The following THBS2 variants were observed in gnomAD, a reference collection of about 807,000 sequenced individuals.
THBS2 encodes the protein thrombospondin 2, also known as thrombospondin-2.
THBS2 carries 47 observed loss-of-function variants against 135.2 expected under a neutral mutation model. That is an observed-to-expected ratio of 0.35 (90% confidence interval 0.28 to 0.44). The LOEUF (loss-of-function observed/expected upper bound fraction) is 0.44. Ranked by LOEUF, THBS2 falls within the 20% of genes least tolerant of loss-of-function variation. THBS2 has a pLI of 1.00. For synonymous variants in THBS2, 639 were observed against 633.8 expected, an observed-to-expected ratio of 1.01 and a Z score of -0.12; for missense variants, 1,288 against 1,603.1, an observed-to-expected ratio of 0.80 and a Z score of 3.36.
At chr6:169,221,621 G>T in intron 19 of THBS2, 94 bp from the exon 20 acceptor site, 2 of 1,033,264 alleles carry the variant, frequency 1.9e-6, no homozygotes, top group Non-Finnish European at 3.0e-6. Context: ...ACATGACTTT[G>T]CAAGTTCATG....
In THBS2 at chr6:169,240,501, G is replaced by T. The variant is rs748832623; in HGVS notation, c.983C>A (p.Ala328Glu). ...GTCCACCACCCACGTTTCATTTTCC[G>T]CAAAGAACCGGCCATCCTGCCAGCA... ...SACWQDGRFF[A>E]ENETWVVDSC... Residue 328 changes from alanine to glutamate, a missense_variant, in exon 6 of 22, where the codon GCG becomes GAG. Around this residue, in one of 2 missense-constraint regions of THBS2, gnomAD observed 414 missense variants for 447.0 expected, o/e 0.93. Transcript: ENST00000617924. 6.2e-7 allele frequency: 1 copy of T among 1,613,930 alleles called. No homozygotes were observed. Among genetic ancestry groups the T allele is most frequent in the Non-Finnish European group, 8.5e-7 (1 of 1,180,016 alleles).
Position 169,228,170 on chromosome 6 carries a change from C to G in THBS2, c.2371G>C (p.Asp791His). Residue 791 changes from aspartate to histidine, a missense_variant, in exon 15 of 22, where the codon GAC becomes CAC. Transcript: ENST00000617924. ...YVHNPAQIDT[D>H]NNGEGDACSV... ...CAGGCGTCACCCTCTCCATTGTTGT[C>G]TGTGTCGATCTGGGCAGGGTTGTGC... 1.9e-6 allele frequency: 3 copies of G among 1,614,000 alleles called. No homozygotes were observed. The highest frequency in any genetic ancestry group is 2.5e-6 in the Non-Finnish European group (3 of 1,180,034).
chr6:169,240,996 G>C (rs1442509687), intron 5 of THBS2, among the ~76,000 whole-genome samples: 3 of 149,346 alleles, frequency 2.0e-5, no homozygotes, highest in African/African-American at 2.5e-5. Flanking sequence ...CACCCTCCCT[G>C]CCCCGGTCTC....
rs1262569667 is a variant in THBS2 at position 169,222,324 on chromosome 6, T to A, written c.3146A>T (p.Tyr1049Phe). ...VVMWKQVTQT[Y>F]WEDQPTRAYG... Reference sequence around the variant, plus strand: ...GGCCCGCGTGGGCTGGTCCTCCCAGTAGGTCTGCGTCACCTGCTTCCACAT... The same window carrying A: ...GGCCCGCGTGGGCTGGTCCTCCCAGAAGGTCTGCGTCACCTGCTTCCACAT... The change falls in exon 19 of 22, where the codon TAC becomes TTC. Residue 1049 changes from tyrosine to phenylalanine, a missense_variant. By Grantham distance (22) the Tyr-to-Phe change is conservative. Coordinates refer to ENST00000617924, the MANE Select transcript of THBS2 (RefSeq NM_003247.5). 6.2e-7 allele frequency: 1 copy of A among 1,613,448 alleles called. No individual in the cohort carries two copies. Among genetic ancestry groups the A allele is most frequent in the East Asian group, 2.2e-5 (1 of 44,894 alleles).
intron 21 of THBS2, among the ~76,000 whole-genome samples, chr6:169,219,411 G>A (rs73238287): frequency 0.018 from 2,775 of 151,600 alleles, 76 homozygotes; most frequent in African/African-American, 0.062. Context: ...GTGGATGGAT[G>A]AGATATATGG....
chr6:169,220,128 G>C (rs755893136), intron 21 of THBS2, 70 bp downstream of exon 21: 1 of 1,549,364 alleles, frequency 6.5e-7, no homozygotes, highest in African/African-American at 1.4e-5. Context: ...GTGGAAGAGC[G>C]CACTGTGTAC....
intron 7 of THBS2, 34 bp from the exon 8 acceptor site, chr6:169,237,829 C>G: frequency 1.9e-6 from 3 of 1,594,980 alleles, no homozygotes; most frequent in Non-Finnish European, 2.6e-6. Flanking sequence ...GGCATCAGGC[C>G]CTGCCTCACA....
At chr6:169,228,423 C>CGGTG (rs1562356570) in intron 14 of THBS2, 142 bp from the exon 15 acceptor site, 1 of 1,031,208 alleles carries the variant, frequency 9.7e-7, no homozygotes, top group African/African-American at 1.6e-5. Context: ...TAGGGCTGGA[C>CGGTG]GGTGGCTCAC....
intron 1 of THBS2, among the ~76,000 whole-genome samples, chr6:169,251,828 G>C (rs1213190966): frequency 8.2e-5 from 8 of 97,698 alleles, no homozygotes; most frequent in Admixed American, 1.1e-4. Flanking sequence ...TCTGCTGCTG[G>C]GACCCCCCCC....
chr6:169,232,314 T>A, intron 12 of THBS2, 116 bp from the exon 13 acceptor site: 1 of 1,187,236 alleles, frequency 8.4e-7, no homozygotes, highest in Non-Finnish European at 1.2e-6. Flanking sequence ...CGGACCCAAG[T>A]CCTGAAGTGG....
intron 13 of THBS2, among the ~76,000 whole-genome samples, chr6:169,230,787 A>C (rs1167066173): frequency 6.6e-6 from 1 of 152,174 alleles, no homozygotes; most frequent in Admixed American, 6.5e-5. Flanking sequence ...TGGGTAGCCA[A>C]GGGGTGTAAC....
chr6:169,228,084 A>G (rs1487999349), intron 15 of THBS2, 38 bp downstream of exon 15: 2 of 1,562,946 alleles, frequency 1.3e-6, no homozygotes, highest in Non-Finnish European at 1.7e-6. Context: ...CAAAAAAAAA[A>G]AAAAAGTGCA....
Position 169,241,548 on chromosome 6 carries a change from A to C in THBS2, c.891+214T>G, listed in dbSNP as rs1562362441. On this transcript the variant is annotated intron_variant, in intron 5 of 21. Coordinates refer to ENST00000617924, the MANE Select transcript of THBS2 (RefSeq NM_003247.5). The surrounding 1 kb of genome is among the most constrained non-coding windows in gnomAD (Gnocchi z 5.5). ...GTGCCCAGGACTGTTTTCCTTGGGAATACTTCCCAAGATCTACCCAACTTC... is the reference window on the plus strand; with the variant it reads ...GTGCCCAGGACTGTTTTCCTTGGGACTACTTCCCAAGATCTACCCAACTTC... Among the ~76,000 whole-genome samples the C allele has an allele frequency of 6.6e-6, 1 of 151,866 alleles. No homozygotes were observed. Among genetic ancestry groups the C allele is most frequent in the Non-Finnish European group, 1.5e-5 (1 of 67,972 alleles).
At chr6:169,249,261 G>A (rs898103847) in intron 2 of THBS2, among the ~76,000 whole-genome samples, 5 of 152,092 alleles carry the variant, frequency 3.3e-5, no homozygotes, top group South Asian at 2.1e-4. Context: ...AAGGTAAATC[G>A]GTGGAGACAG....
chr6:169,250,013 G>A (rs1780700066), intron 2 of THBS2, among the ~76,000 whole-genome samples: 1 of 150,554 alleles, frequency 6.6e-6, no homozygotes, highest in African/African-American at 2.4e-5. Context: ...CTGGGTGACA[G>A]AGCAGGACTC....
intron 1 of THBS2, 141 bp downstream of exon 1, chr6:169,253,583 T>A (rs1780822820): frequency 6.6e-6 from 1 of 152,240 alleles, no homozygotes; most frequent in African/African-American, 2.4e-5. Flanking sequence ...TGCCATTTAG[T>A]GTTAATAGAT....
intron 13 of THBS2, 94 bp from the exon 14 acceptor site, chr6:169,229,773 A>G: frequency 3.1e-6 from 3 of 975,176 alleles, no homozygotes; most frequent in Non-Finnish European, 4.8e-6. Flanking sequence ...GGCGCCGAGG[A>G]AGGAAGCGTG....
At chr6:169,249,318 T>C (rs1780678608) in intron 2 of THBS2, among the ~76,000 whole-genome samples, 2 of 152,164 alleles carry the variant, frequency 1.3e-5, no homozygotes, top group African/African-American at 4.8e-5. Flanking sequence ...CCCGACCTTC[T>C]TGGTGAGGGA....
At position 169,248,568 on chromosome 6, in the gene THBS2, G is replaced by C; in HGVS notation, c.458C>G (p.Thr153Ser). 1 of 1,614,006 alleles carries C rather than the reference G, an allele frequency of 6.2e-7. No individual in the cohort carries two copies. The highest frequency in any genetic ancestry group is 8.5e-7 in the Non-Finnish European group (1 of 1,180,034). ...GTAGGTCTCGCCAGCCACCTGCACG[G>C]TGACGTTCTTCCACTGCGAGTCAGC... ...GLADSQWKNV[T>S]VQVAGETYSL... Residue 153 changes from threonine (T) to serine (S), a missense_variant, in exon 3 of 22, where the codon ACC (threonine) becomes AGC (serine). Coordinates refer to ENST00000617924, the MANE Select transcript of THBS2 (RefSeq NM_003247.5).
Sources: gnomAD v4.1 joint callset for allele counts (sites outside exome capture counted in the v4.1 genomes callset) on GRCh38, gnomAD v4.1.1 for gene constraint, gnomAD v4.1.1 regional missense constraint, Gnocchi (gnomAD v3.1) non-coding constraint, MANE v1.5 for transcripts, NCBI Gene and HGNC (gene_info 2026-07-23, HGNC 2026-07-21) for gene names.